Variants in AREL1 observed in about 807,000 individuals in gnomAD.
AREL1 encodes the protein apoptosis resistant E3 ubiquitin protein ligase 1, also known as apoptosis-resistant E3 ubiquitin protein ligase 1.
In AREL1, 62 loss-of-function variants were observed where a neutral mutation model predicts 99.0. That is an observed-to-expected ratio of 0.63 (90% CI 0.51 to 0.77). AREL1 has a LOEUF of 0.77. Among genes scored for constraint, AREL1 ranks in the 30% least tolerant of loss-of-function variants. The pLI is 0.00. For synonymous variants in AREL1, 380 were observed against 376.5 expected, an observed-to-expected ratio of 1.01 and a Z score of -0.11; for missense variants, 879 against 1,027.6, an observed-to-expected ratio of 0.86 and a Z score of 1.98.
chr14:74,684,789 TG>T, intron 3 of AREL1, 109 bp from the exon 4 acceptor site: 1 of 943,678 alleles, frequency 1.1e-6, no homozygotes, highest in East Asian at 2.6e-5. Flanking sequence ...AGGATGAGAC[TG>T]TAAGACTGCC....
At position 74,713,045 on chromosome 14, in the gene AREL1, G is replaced by C. The variant is rs1199067838; in HGVS notation, c.-446C>G. The C allele has an allele frequency of 3.8e-6, 5 of 1,330,254 alleles. No homozygotes were observed. Among genetic ancestry groups the C allele is most frequent in the African/African-American group, 1.4e-5 (1 of 69,420 alleles). 82.4% of individuals were successfully genotyped at this position (1,330,254 alleles called of 1,614,324 possible). On this transcript the variant is annotated 5_prime_UTR_variant, in exon 1 of 20. Transcript: ENST00000356357. ...TCTCCCACCAACAGACCCCAGAGTTGGTCTCCACCCGGCCTGGGAACCGGC... is the reference window on the plus strand; with the variant it reads ...TCTCCCACCAACAGACCCCAGAGTTCGTCTCCACCCGGCCTGGGAACCGGC...
Position 74,662,790 on chromosome 14 carries a change from A to G in AREL1, c.*930T>C, listed in dbSNP as rs767212604. ...GCTGGCATACTATTCTTACTGTTCT[A>G]ATCTTTTGCTACAAAATTTTCTTCA... On this transcript the variant is annotated 3_prime_UTR_variant, in exon 20 of 20. Coordinates refer to ENST00000356357, the MANE Select transcript of AREL1 (RefSeq NM_001039479.2). The G allele has an allele frequency of 2.5e-6, 1 of 393,310 alleles. No individual in the cohort carries two copies. Among genetic ancestry groups the G allele is most frequent in the African/African-American group, 2.1e-5 (1 of 48,516 alleles). 24.4% of individuals were successfully genotyped at this position (393,310 alleles called of 1,614,324 possible). A position where few individuals can be genotyped will look rare whatever the true frequency, so the allele number is the denominator to read the frequency against.
chr14:74,672,083 CT>C, intron 11 of AREL1: 3 of 418,972 alleles, frequency 7.2e-6, no homozygotes, highest in Non-Finnish European at 1.5e-5. Flanking sequence ...TCAGGTGTTC[CT>C]TTTCCATCAG....
In AREL1 at chr14:74,667,388, G is replaced by A. The variant is rs1432544037; in HGVS notation, c.2045-11C>T. 2 of 1,614,024 alleles carry A rather than the reference G, an allele frequency of 1.2e-6. No individual in the cohort carries two copies. The highest frequency in any genetic ancestry group is 2.7e-5 in the African/African-American group (2 of 74,906). On this transcript the variant is annotated splice_polypyrimidine_tract_variant and intron_variant, in intron 16 of 19. Transcript: ENST00000356357. ...CCAATTCATTCAGGCCTGAAACAAA[G>A]TAGGCAAGTTAAAGTCATACCCACA... is the stretch of plus-strand genomic sequence containing the variant.
intron 1 of AREL1, among the ~76,000 whole-genome samples, chr14:74,706,000 G>A (rs2090171606): frequency 6.6e-6 from 1 of 152,202 alleles, no homozygotes; most frequent in South Asian, 2.1e-4. Flanking sequence ...AAAAACAAAA[G>A]AGAAAACTGG....
At chr14:74,673,539 A>C (rs905868500) in intron 9 of AREL1, among the ~76,000 whole-genome samples, 2 of 152,250 alleles carry the variant, frequency 1.3e-5, no homozygotes, top group East Asian at 1.9e-4. Flanking sequence ...AATAGTAAGG[A>C]TATATTAAAC....
At chr14:74,665,694 T>C (rs1361662086) in intron 17 of AREL1, among the ~76,000 whole-genome samples, 1 of 152,230 alleles carries the variant, frequency 6.6e-6, no homozygotes, top group East Asian at 1.9e-4. Context: ...AATGAGAACA[T>C]TAATGACATC....
Position 74,663,768 on chromosome 14 carries a change from C to G in AREL1, c.2424G>C (p.Met808Ile). The G allele has an allele frequency of 6.2e-7, 1 of 1,614,206 alleles. No individual in the cohort carries two copies. Among genetic ancestry groups the G allele is most frequent in the Non-Finnish European group, 8.5e-7 (1 of 1,180,038 alleles). Reference sequence around the variant, plus strand: ...AACCCTCGCTGATGGCCAGCTGCAGCATCCTGTGCACCTCTTCATAGGAGT... The same window carrying G: ...AACCCTCGCTGATGGCCAGCTGCAGGATCCTGTGCACCTCTTCATAGGAGT... ...TYDSYEEVHR[M>I]LQLAISEGCE... Residue 808 changes from methionine (M) to isoleucine (I), a missense_variant, in exon 20 of 20, where the codon ATG becomes ATC. By Grantham distance (10) the Met-to-Ile change is conservative. Coordinates refer to ENST00000356357, the MANE Select transcript of AREL1 (RefSeq NM_001039479.2).
intron 1 of AREL1, among the ~76,000 whole-genome samples, chr14:74,700,696 C>T (rs1378617340): frequency 6.6e-6 from 1 of 152,154 alleles, no homozygotes; most frequent in Non-Finnish European, 1.5e-5. Flanking sequence ...AGGAGAATTG[C>T]TTGAACCCAG....
At chr14:74,687,995 C>T (rs534994055) in intron 2 of AREL1, among the ~76,000 whole-genome samples, 16 of 148,054 alleles carry the variant, frequency 1.1e-4, no homozygotes, top group African/African-American at 3.7e-4. Flanking sequence ...TAAAATAATT[C>T]GTCCAACAAA....
intron 1 of AREL1, among the ~76,000 whole-genome samples, chr14:74,697,798 T>C (rs1176765119): frequency 6.6e-6 from 1 of 152,122 alleles, no homozygotes; most frequent in African/African-American, 2.4e-5. Flanking sequence ...CTCTCCTCAG[T>C]TCCATGACAT....
At chr14:74,668,898 G>A (rs1432252990) in intron 15 of AREL1, among the ~76,000 whole-genome samples, 2 of 152,180 alleles carry the variant, frequency 1.3e-5, no homozygotes, top group Non-Finnish European at 2.9e-5. Flanking sequence ...ATTATTTTGA[G>A]ATAGGGTTTT....
intron 2 of AREL1, among the ~76,000 whole-genome samples, chr14:74,686,736 C>T (rs1315333224): frequency 6.6e-6 from 1 of 152,004 alleles, no homozygotes; most frequent in African/African-American, 2.4e-5. Flanking sequence ...CAGTGGAACC[C>T]ACAGAGAGTA....
At chr14:74,704,980 C>T (rs8004430) in intron 1 of AREL1, among the ~76,000 whole-genome samples, 109,707 of 151,860 alleles carry the variant, frequency 0.72, 39,640 homozygotes, top group East Asian at 0.75. Context: ...TTTTATTCCC[C>T]TTGTTTCTTT....
chr14:74,691,531 A>G (rs956757703), intron 2 of AREL1, among the ~76,000 whole-genome samples: 10 of 152,182 alleles, frequency 6.6e-5, no homozygotes, highest in African/African-American at 1.9e-4. Context: ...CTAAAATTAG[A>G]AAGATAAACT....
intron 2 of AREL1, among the ~76,000 whole-genome samples, chr14:74,689,293 T>C (rs2089818106): frequency 6.6e-6 from 1 of 152,192 alleles, no homozygotes; most frequent in Non-Finnish European, 1.5e-5. Flanking sequence ...GCTATTCTCC[T>C]TGGCCCCAGT....
chr14:74,674,204 T>C (rs1566683525), intron 8 of AREL1, 93 bp from the exon 9 acceptor site: 7 of 1,059,924 alleles, frequency 6.6e-6, no homozygotes, highest in African/African-American at 4.7e-5. Context: ...CCTATTTACA[T>C]TTCTCATAAC....
intron 2 of AREL1, among the ~76,000 whole-genome samples, chr14:74,688,627 T>G (rs2089800892): frequency 6.6e-6 from 1 of 152,160 alleles, no homozygotes; most frequent in African/African-American, 2.4e-5. Flanking sequence ...ACCAGAGAGT[T>G]AGTTCTATCA....
chr14:74,673,067 G>T lies in AREL1; in HGVS notation c.1300+10C>A. 1 of 1,614,126 alleles carries T rather than the reference G, an allele frequency of 6.2e-7. No individual in the cohort carries two copies. Among genetic ancestry groups the T allele is most frequent in the Non-Finnish European group, 8.5e-7 (1 of 1,180,010 alleles). Reference sequence around the variant, plus strand: ...ACTACCTTCCCTATAGAATCCCTGTGTAACCTCACCTATGTTCTTATGCAG... The same window carrying T: ...ACTACCTTCCCTATAGAATCCCTGTTTAACCTCACCTATGTTCTTATGCAG... On this transcript the variant is annotated intron_variant, in intron 10 of 19. Coordinates refer to ENST00000356357, the MANE Select transcript of AREL1 (RefSeq NM_001039479.2).
Sources: allele counts gnomAD v4.1 joint callset (sites outside exome capture counted in the v4.1 genomes callset), GRCh38; gene constraint gnomAD v4.1.1; transcripts MANE v1.5; gene names NCBI Gene and HGNC (gene_info 2026-07-23, HGNC 2026-07-21).